TMIGD3: variants seen among roughly 807,000 people sequenced by gnomAD.
TMIGD3 encodes AD026 protein (AD026).
A neutral mutation model predicts 28.1 loss-of-function variants in TMIGD3; 21 were observed. That is an observed-to-expected ratio of 0.75 (90% CI 0.53 to 1.08). The LOEUF is 1.08. Among genes scored for constraint, TMIGD3 ranks in the 50% least tolerant of loss-of-function variants. The probability of loss-of-function intolerance (pLI) is 0.00; values close to 1 mark genes in which losing one functional copy is unlikely to be tolerated. For missense variants in TMIGD3, 416 were observed against 435.6 expected (o/e 0.96, Z 0.40); for synonymous variants, 151 against 162.1 (o/e 0.93, Z 0.52).
chr1:111,522,945 T>C (rs1421117351), intron 1 of TMIGD3, among the ~76,000 whole-genome samples: 1 of 152,246 alleles, frequency 6.6e-6, no homozygotes, highest in Non-Finnish European at 1.5e-5. Flanking sequence ...AAAGAAGTCA[T>C]ACTCATCCCT....
At chr1:111,562,227 C>T (rs1185797792) in intron 1 of TMIGD3, among the ~76,000 whole-genome samples, 1 of 152,118 alleles carries the variant, frequency 6.6e-6, no homozygotes, top group Non-Finnish European at 1.5e-5. Flanking sequence ...CCACTTCTTC[C>T]CCTATGTTCC....
intron 1 of TMIGD3, among the ~76,000 whole-genome samples, chr1:111,534,804 G>C (rs1443684443): frequency 6.6e-6 from 1 of 152,028 alleles, no homozygotes; most frequent in Non-Finnish European, 1.5e-5. Context: ...TGTGAGTGTG[G>C]ACTCAATGCT....
chr1:111,494,035 C>A (rs545087266), intron 1 of TMIGD3, among the ~76,000 whole-genome samples: 2 of 152,360 alleles, frequency 1.3e-5, no homozygotes, highest in South Asian at 4.1e-4. Context: ...CCACACCATA[C>A]ATGAAAATAG....
chr1:111,518,534 T>C (rs749481331), intron 1 of TMIGD3, among the ~76,000 whole-genome samples: 1 of 152,180 alleles, frequency 6.6e-6, no homozygotes, highest in Non-Finnish European at 1.5e-5. Flanking sequence ...ATTTGGAGGA[T>C]GAGAATCACT....
At chr1:111,552,302 C>T (rs1657295611) in intron 1 of TMIGD3, among the ~76,000 whole-genome samples, 1 of 152,158 alleles carries the variant, frequency 6.6e-6, no homozygotes, top group South Asian at 2.1e-4. Flanking sequence ...CTTCAAGTGG[C>T]TATCTGCCAC....
At position 111,542,192 on chromosome 1, in the gene TMIGD3, G is replaced by C. The variant is rs1557842602; in HGVS notation, c.107+21654C>G. On this transcript the variant is annotated intron_variant, in intron 1 of 5. Coordinates refer to the TMIGD3 transcript ENST00000369717. ...TTGGATAATCCTTTGAAGGAAGATCGTTTAGACCAGCTTAATGAAACAGAC... is the reference window on the plus strand; with the variant it reads ...TTGGATAATCCTTTGAAGGAAGATCCTTTAGACCAGCTTAATGAAACAGAC... 2.1e-5 allele frequency: 11 copies of C among 532,738 alleles called. 1 individual carries two copies. Among genetic ancestry groups the C allele is most frequent in the South Asian group, 1.0e-4 (7 of 68,878 alleles). The allele number at this position is 532,738 out of a possible 1,614,324, so 33.0% of individuals were successfully genotyped here. A position where few individuals can be genotyped will look rare whatever the true frequency, so the allele number is the denominator to read the frequency against.
intron 1 of TMIGD3, among the ~76,000 whole-genome samples, chr1:111,530,474 A>G (rs1656422648): frequency 6.6e-6 from 1 of 152,164 alleles, no homozygotes; most frequent in South Asian, 2.1e-4. Flanking sequence ...TGCCAATAGA[A>G]CTTCCTTTAA....
chr1:111,522,518 CT>C (rs1375113931), intron 1 of TMIGD3, among the ~76,000 whole-genome samples: 514 of 135,622 alleles, frequency 3.8e-3, no homozygotes, highest in Non-Finnish European at 5.8e-3. Context: ...TTGTTTGTTG[CT>C]TTTTTTTTTT....
intron 1 of TMIGD3, among the ~76,000 whole-genome samples, chr1:111,519,954 A>G (rs983434594): frequency 3.3e-5 from 5 of 151,920 alleles, no homozygotes; most frequent in African/African-American, 1.2e-4. Context: ...CGGCCTCCCA[A>G]AATGCTGGGA....
chr1:111,557,373 C>T (rs1411563543), intron 1 of TMIGD3, among the ~76,000 whole-genome samples: 1 of 151,832 alleles, frequency 6.6e-6, no homozygotes, highest in Non-Finnish European at 1.5e-5. Flanking sequence ...ACGGTGAAAC[C>T]CTGTCTCTAC....
intron 1 of TMIGD3, among the ~76,000 whole-genome samples, chr1:111,494,651 A>C (rs1176494350): frequency 6.6e-6 from 1 of 152,168 alleles, no homozygotes; most frequent in Non-Finnish European, 1.5e-5. Context: ...CTACCAATGA[A>C]ATTGATATGG....
intron 1 of TMIGD3, among the ~76,000 whole-genome samples, chr1:111,537,639 G>A (rs1656684537): frequency 1.3e-5 from 2 of 152,202 alleles, no homozygotes; most frequent in African/African-American, 4.8e-5. Flanking sequence ...TTAAAGAGGA[G>A]CTTTCCCTTT....
At chr1:111,511,111 G>A (rs1001966224) in intron 1 of TMIGD3, among the ~76,000 whole-genome samples, 4 of 152,142 alleles carry the variant, frequency 2.6e-5, no homozygotes, top group African/African-American at 4.8e-5. Flanking sequence ...TTACTGTCAG[G>A]CTGAGTTGAT....
intron 1 of TMIGD3, among the ~76,000 whole-genome samples, chr1:111,511,756 A>G (rs564445356): frequency 6.6e-6 from 1 of 151,662 alleles, no homozygotes; most frequent in South Asian, 2.1e-4. Flanking sequence ...TTTCGCAGTC[A>G]GAGCTCATTT....
At chr1:111,509,498 T>C (rs1655621564) in intron 1 of TMIGD3, among the ~76,000 whole-genome samples, 1 of 152,110 alleles carries the variant, frequency 6.6e-6, no homozygotes, top group Non-Finnish European at 1.5e-5. Flanking sequence ...TTGATTCTCA[T>C]GCCCTTTATC....
chr1:111,503,557 G>T lies in TMIGD3; in HGVS notation c.-203C>A. On this transcript the variant is annotated 5_prime_UTR_variant, in exon 1 of 6. Transcript: ENST00000369716. ...TCTCCTTAGAAAGGGCTCATCACAG[G>T]TGGGTCACTTCCAGCCCCTTTATGC... 1.4e-6 allele frequency: 2 copies of T among 1,401,258 alleles called. No individual in the cohort carries two copies. Among genetic ancestry groups the T allele is most frequent in the Admixed American group, 5.9e-5 (2 of 33,868 alleles). 86.8% of individuals were successfully genotyped at this position (1,401,258 alleles called of 1,614,324 possible).
chr1:111,532,311 A>G (rs945966), intron 1 of TMIGD3, among the ~76,000 whole-genome samples: 54,760 of 152,138 alleles, frequency 0.36, 10,498 homozygotes, highest in Non-Finnish European at 0.44. Context: ...CAACCACAGG[A>G]AGGAGATATG....
intron 1 of TMIGD3, among the ~76,000 whole-genome samples, chr1:111,497,894 G>C (rs1448809977): frequency 6.6e-6 from 1 of 152,154 alleles, no homozygotes; most frequent in Non-Finnish European, 1.5e-5. Flanking sequence ...TGTAAATTAA[G>C]AAGCATGGTG....
intron 1 of TMIGD3, among the ~76,000 whole-genome samples, chr1:111,537,227 T>C (rs932322324): frequency 3.3e-5 from 5 of 152,238 alleles, no homozygotes; most frequent in Admixed American, 1.3e-4. Context: ...CACTCACTTC[T>C]AGCACAAGAC....
Sources: gnomAD v4.1 joint callset for allele counts (sites outside exome capture counted in the v4.1 genomes callset) on GRCh38, gnomAD v4.1.1 for gene constraint, MANE v1.5 for transcripts, NCBI Gene and HGNC (gene_info 2026-07-23, HGNC 2026-07-21) for gene names.